TCF12: variants seen among roughly 807,000 people sequenced by gnomAD.
TCF12 encodes transcription factor 12.
A neutral mutation model predicts 86.0 loss-of-function variants in TCF12; 45 were observed. The observed-to-expected ratio is 0.52, with a 90% confidence interval of 0.41 to 0.67. The LOEUF is 0.67. Among genes scored for constraint, TCF12 ranks in the 30% least tolerant of loss-of-function variants. TCF12 has a pLI of 0.00. For missense variants in TCF12, 881 were observed against 859.9 expected, an observed-to-expected ratio of 1.02 and a Z score of -0.31; for synonymous variants, 330 against 299.6, an observed-to-expected ratio of 1.10 and a Z score of -1.05.
chr15:56,928,794 A>T (rs562229734), intron 3 of TCF12, among the ~76,000 whole-genome samples: 47 of 152,324 alleles, frequency 3.1e-4, no homozygotes, highest in African/African-American at 1.1e-3. Flanking sequence ...GCTACTTGAA[A>T]TTCTTTCTGG....
intron 3 of TCF12, among the ~76,000 whole-genome samples, chr15:56,928,044 C>A (rs141565957): frequency 9.9e-4 from 150 of 152,196 alleles, no homozygotes; most frequent in African/African-American, 3.5e-3. Flanking sequence ...CCTTGAATTC[C>A]TGACTTTTTG....
chr15:56,929,538 A>G (rs1203790292), intron 3 of TCF12, among the ~76,000 whole-genome samples: 2 of 152,076 alleles, frequency 1.3e-5, no homozygotes, highest in African/African-American at 2.4e-5. Flanking sequence ...CAGGTTAAAA[A>G]TGTGCTCTCA....
intron 3 of TCF12, among the ~76,000 whole-genome samples, chr15:56,927,766 A>G (rs187303430): frequency 6.6e-6 from 1 of 152,354 alleles, no homozygotes; most frequent in Non-Finnish European, 1.5e-5. Flanking sequence ...CCTTAGGGAA[A>G]TGAACACAGA....
chr15:57,242,835 TG>T (rs1180352141), intron 12 of TCF12, among the ~76,000 whole-genome samples: 1 of 152,232 alleles, frequency 6.6e-6, no homozygotes, highest in Non-Finnish European at 1.5e-5. Context: ...TATTAGGATT[TG>T]AAGTCCACAA....
chr15:56,971,573 C>T (rs1238127900), intron 3 of TCF12, among the ~76,000 whole-genome samples: 2 of 152,050 alleles, frequency 1.3e-5, no homozygotes, highest in East Asian at 3.9e-4. Context: ...GGGGTCCATG[C>T]AGTTAGTTGG....
chr15:57,267,076 A>G (rs2060905156), intron 18 of TCF12, among the ~76,000 whole-genome samples: 2 of 152,178 alleles, frequency 1.3e-5, no homozygotes, highest in East Asian at 1.9e-4. Context: ...ATCATTTAGT[A>G]TATTTGTGGT....
At chr15:57,144,056 T>C (rs2053187835) in intron 5 of TCF12, among the ~76,000 whole-genome samples, 1 of 152,226 alleles carries the variant, frequency 6.6e-6, no homozygotes, top group Non-Finnish European at 1.5e-5. Context: ...TATTTTAGGA[T>C]AGCATATCCT....
intron 8 of TCF12, among the ~76,000 whole-genome samples, chr15:57,220,064 C>T (rs1419555984): frequency 6.6e-6 from 1 of 152,118 alleles, no homozygotes; most frequent in African/African-American, 2.4e-5. Flanking sequence ...TCAGTAAAGT[C>T]CTGTCTGCTA....
intron 3 of TCF12, among the ~76,000 whole-genome samples, chr15:56,971,753 CT>C (rs2062341099): frequency 6.6e-6 from 1 of 152,190 alleles, no homozygotes; most frequent in African/African-American, 2.4e-5. Context: ...TTTCTGGACT[CT>C]GAGAAGTCTT....
Position 57,064,812 on chromosome 15 carries a change from A to AAAAAAAAAAAAAAAAG in TCF12, c.222+990_222+991insAAAAAAAAAAAAAAGA, listed in dbSNP as rs554263213. Among the ~76,000 whole-genome samples the AAAAAAAAAAAAAAAAG allele has an allele frequency of 6.7e-4, 83 of 123,396 alleles. 2 individuals carry two copies. Among genetic ancestry groups the AAAAAAAAAAAAAAAAG allele is most frequent in the African/African-American group, 2.4e-3 (82 of 34,570 alleles). The allele number at this position is 123,396 out of a possible 152,430, so 81.0% of individuals were successfully genotyped here. A position where few individuals can be genotyped will look rare whatever the true frequency, so the allele number is the denominator to read the frequency against. ...CTCCATCTCAAAAAAAAAAAAAAAAAAGAGAGAGAGAGAAAGACTTTTCCA... is the reference window on the plus strand; with the variant it reads ...CTCCATCTCAAAAAAAAAAAAAAAAAAAAAAAAAAAAAAAAGAGAGAGAGAGAGAAAGACTTTTCCA... On this transcript the variant is annotated intron_variant, in intron 4 of 20. Transcript: ENST00000333725.
intron 6 of TCF12, 121 bp from the exon 7 acceptor site, chr15:57,192,037 A>T: frequency 1.8e-6 from 2 of 1,099,084 alleles, no homozygotes; most frequent in Non-Finnish European, 2.6e-6. Context: ...AAACGTACTT[A>T]ATGGGTGCGT....
intron 3 of TCF12, among the ~76,000 whole-genome samples, chr15:56,968,061 A>G (rs1206137374): frequency 6.6e-6 from 1 of 152,008 alleles, no homozygotes; most frequent in Non-Finnish European, 1.5e-5. Context: ...GGTTCAAATG[A>G]TTCTTGTGCT....
chr15:56,920,212 T>A (rs2059719966), intron 2 of TCF12, among the ~76,000 whole-genome samples: 1 of 152,162 alleles, frequency 6.6e-6, no homozygotes, highest in Non-Finnish European at 1.5e-5. Context: ...TTTAAAACTT[T>A]AATGCCAGAG....
At chr15:56,958,687 G>GTGTGTT (rs1356917859) in intron 3 of TCF12, among the ~76,000 whole-genome samples, 3 of 52,738 alleles carry the variant, frequency 5.7e-5, no homozygotes, top group Non-Finnish European at 2.5e-4. Flanking sequence ...GAGTGTGTGT[G>GTGTGTT]TGTGTGTGTG....
intron 19 of TCF12, among the ~76,000 whole-genome samples, chr15:57,276,575 GC>G (rs2061405021): frequency 6.6e-6 from 1 of 152,100 alleles, no homozygotes; most frequent in Non-Finnish European, 1.5e-5. Flanking sequence ...TTTCTTAAAT[GC>G]CCCGAAGTTA....
At chr15:57,267,888 A>T (rs2060943550) in intron 18 of TCF12, among the ~76,000 whole-genome samples, 1 of 152,018 alleles carries the variant, frequency 6.6e-6, no homozygotes, top group Admixed American at 6.5e-5. Flanking sequence ...CTAAAAGGAG[A>T]CTTTCTGTTA....
At chr15:57,163,949 A>T (rs565368235) in intron 5 of TCF12, among the ~76,000 whole-genome samples, 1 of 152,276 alleles carries the variant, frequency 6.6e-6, no homozygotes, top group Non-Finnish European at 1.5e-5. Flanking sequence ...TCCGGTTTCT[A>T]AATAGATAGG....
At position 56,979,265 on chromosome 15, in the gene TCF12, T is replaced by C. The variant is rs8038641; in HGVS notation, c.148+58167T>C. ...ACAGTAATATGTACCCATAATGTTATTTGAAATTTTCATAAAATCATGTTT... is the reference window on the plus strand; with the variant it reads ...ACAGTAATATGTACCCATAATGTTACTTGAAATTTTCATAAAATCATGTTT... On this transcript the variant is annotated intron_variant, in intron 3 of 20. Coordinates refer to ENST00000333725, the MANE Select transcript of TCF12 (RefSeq NM_207037.2). Among the ~76,000 whole-genome samples the C allele has an allele frequency of 3.6e-3, 554 of 152,334 alleles. 4 individuals carry two copies. The highest frequency in any genetic ancestry group is 0.013 in the African/African-American group (538 of 41,582).
At chr15:57,113,012 C>T (rs1247798492) in intron 5 of TCF12, among the ~76,000 whole-genome samples, 2 of 151,952 alleles carry the variant, frequency 1.3e-5, no homozygotes, top group Admixed American at 6.6e-5. Flanking sequence ...TATCGTGGAT[C>T]TCCTGCACAT....
Sources: allele counts gnomAD v4.1 joint callset (sites outside exome capture counted in the v4.1 genomes callset), GRCh38; gene constraint gnomAD v4.1.1; transcripts MANE v1.5; gene names NCBI Gene and HGNC (gene_info 2026-07-23, HGNC 2026-07-21).